CLIP1: variants seen among roughly 807,000 people sequenced by gnomAD.
The protein encoded by CLIP1 is CAP-Gly domain-containing linker protein 1.
In CLIP1, 66 loss-of-function variants were observed where a neutral mutation model predicts 161.6. The ratio of observed to expected loss-of-function variants is 0.41; its 90% CI spans 0.33 to 0.50. The LOEUF is 0.50. CLIP1 is among the 20% of genes least tolerant of loss of function. The pLI, the probability that CLIP1 is intolerant of heterozygous loss-of-function variation, is 0.27. For synonymous variants in CLIP1, 598 were observed against 626.2 expected, an observed-to-expected ratio of 0.96 and a Z score of 0.67; for missense variants, 1,376 against 1,702.0, an observed-to-expected ratio of 0.81 and a Z score of 3.37.
chr12:122,359,868 C>G (rs1238749206), intron 5 of CLIP1, among the ~76,000 whole-genome samples: 3 of 152,218 alleles, frequency 2.0e-5, no homozygotes, highest in Non-Finnish European at 4.4e-5. Flanking sequence ...GAGACCTGAA[C>G]TCAGTCTGAG....
At chr12:122,362,671 G>T (rs1472499537) in intron 4 of CLIP1, among the ~76,000 whole-genome samples, 46 of 42,372 alleles carry the variant, frequency 1.1e-3, no homozygotes, top group South Asian at 9.1e-3. Context: ...AAAAAAAAAA[G>T]TTCATTGAAA....
chr12:122,398,326 G>A (rs1054501825), intron 1 of CLIP1, among the ~76,000 whole-genome samples: 1 of 151,116 alleles, frequency 6.6e-6, no homozygotes, highest in Non-Finnish European at 1.5e-5. Flanking sequence ...CTACTTGGGA[G>A]GCTGAGGAGA....
intron 1 of CLIP1, among the ~76,000 whole-genome samples, chr12:122,415,203 T>G (rs1008278952): frequency 2.0e-5 from 3 of 152,164 alleles, no homozygotes; most frequent in Admixed American, 6.6e-5. Context: ...GAAAAGTGGC[T>G]GGGCGCAGTG....
At chr12:122,389,758 C>A (rs1350500032) in intron 1 of CLIP1, among the ~76,000 whole-genome samples, 32 of 69,300 alleles carry the variant, frequency 4.6e-4, no homozygotes, top group South Asian at 1.4e-3. Flanking sequence ...GATCCTGTCT[C>A]AAAAAAAAAA....
At chr12:122,390,237 C>CACACATATATAT (rs1410257042) in intron 1 of CLIP1, among the ~76,000 whole-genome samples, 5 of 122,016 alleles carry the variant, frequency 4.1e-5, no homozygotes, top group Non-Finnish European at 8.4e-5. Context: ...CATATATACA[C>CACACATATATAT]ACACATATAT....
At chr12:122,422,478 G>A (rs1237526248) in intron 1 of CLIP1, 43 bp downstream of exon 1, 4 of 151,804 alleles carry the variant, frequency 2.6e-5, no homozygotes, top group Non-Finnish European at 5.9e-5. Context: ...GGGGAGCAGG[G>A]GGTGCCGGGA....
chr12:122,325,054 ATTT>A (rs11330696), intron 17 of CLIP1, among the ~76,000 whole-genome samples: 8 of 123,622 alleles, frequency 6.5e-5, no homozygotes, highest in Non-Finnish European at 3.4e-5. Context: ...CAATGATATA[ATTT>A]TTTTTTTTTT....
intron 20 of CLIP1, among the ~76,000 whole-genome samples, chr12:122,304,690 G>A (rs1015993446): frequency 1.3e-5 from 2 of 152,210 alleles, no homozygotes; most frequent in Non-Finnish European, 2.9e-5. Flanking sequence ...TTTATAGCAT[G>A]AAGTTGACTG....
In CLIP1 at chr12:122,387,547, CATAT is replaced by C. The variant is rs773688335; in HGVS notation, c.-106-6993_-106-6990del. The stretch of plus-strand genomic sequence containing the variant: ...TTCAACCCTTGAATACATGCCTTTT[CATAT>C]ATATATATATATATATATATATATA... On this transcript the variant is annotated intron_variant, in intron 1 of 25. Coordinates refer to ENST00000620786, the MANE Select transcript of CLIP1 (RefSeq NM_001247997.2). Among the ~76,000 whole-genome samples, 218 of 40,122 alleles carry C rather than the reference CATAT, an allele frequency of 5.4e-3. 1 individual carries two copies. The highest frequency in any genetic ancestry group is 9.2e-3 in the East Asian group (11 of 1,192). The allele number at this position is 40,122 out of a possible 152,430, so 26.3% of individuals were successfully genotyped here.
intron 3 of CLIP1, among the ~76,000 whole-genome samples, chr12:122,372,992 C>G (rs1005441789): frequency 2.6e-5 from 4 of 152,056 alleles, no homozygotes; most frequent in African/African-American, 4.8e-5. Context: ...CAGAAAAAAT[C>G]GAATTATTAG....
chr12:122,329,403 G>C (rs967890461), intron 15 of CLIP1, among the ~76,000 whole-genome samples: 2 of 151,762 alleles, frequency 1.3e-5, no homozygotes, highest in East Asian at 1.9e-4. Context: ...CCGATGGGGG[G>C]GCGGATCACG....
intron 10 of CLIP1, chr12:122,342,959 A>C (rs1255489620): frequency 1.3e-5 from 2 of 151,898 alleles, no homozygotes; most frequent in Non-Finnish European, 2.9e-5. Context: ...CTTGTGACTT[A>C]CAAAAAAGTA....
At chr12:122,289,086 G>C (rs558635875) in intron 20 of CLIP1, among the ~76,000 whole-genome samples, 162 of 150,880 alleles carry the variant, frequency 1.1e-3, no homozygotes, top group African/African-American at 3.6e-3. Flanking sequence ...AAAGTGCTGG[G>C]ATTACAGGCG....
chr12:122,358,790 A>G (rs908709404), intron 5 of CLIP1, among the ~76,000 whole-genome samples: 3 of 151,196 alleles, frequency 2.0e-5, no homozygotes, highest in African/African-American at 2.4e-5. Context: ...GTGGTGGCTC[A>G]CGCCTCATGC....
chr12:122,292,852 A>C (rs547497490), intron 20 of CLIP1, among the ~76,000 whole-genome samples: 14 of 152,086 alleles, frequency 9.2e-5, no homozygotes, highest in Admixed American at 2.6e-4. Flanking sequence ...AAATATAAAA[A>C]ATTAGCCGGG....
chr12:122,289,759 T>C (rs950958417), intron 20 of CLIP1, among the ~76,000 whole-genome samples: 5 of 151,542 alleles, frequency 3.3e-5, no homozygotes, highest in African/African-American at 4.8e-5. Flanking sequence ...CAACCTGCAC[T>C]ACCCAGTTTG....
chr12:122,293,796 T>G (rs1566084977), intron 20 of CLIP1, among the ~76,000 whole-genome samples: 1 of 108,146 alleles, frequency 9.2e-6, no homozygotes, highest in Non-Finnish European at 1.7e-5. Flanking sequence ...TGTTTTTTTT[T>G]TTGTTTTTTG....
intron 4 of CLIP1, among the ~76,000 whole-genome samples, chr12:122,362,053 A>G (rs1953857623): frequency 6.6e-6 from 1 of 151,796 alleles, no homozygotes; most frequent in South Asian, 2.1e-4. Context: ...TCCCAGGTTC[A>G]AGCGATTCTC....
At chr12:122,345,996 G>A (rs1208676780) in intron 10 of CLIP1, among the ~76,000 whole-genome samples, 1 of 151,950 alleles carries the variant, frequency 6.6e-6, no homozygotes, top group Non-Finnish European at 1.5e-5. Context: ...ATGTTGGCCA[G>A]GCTGGTCTCA....
Sources: allele counts gnomAD v4.1 joint callset (sites outside exome capture counted in the v4.1 genomes callset), GRCh38; gene constraint gnomAD v4.1.1; transcripts MANE v1.5; gene names NCBI Gene and HGNC (gene_info 2026-07-23, HGNC 2026-07-21).